The following UIMC1 variants were observed in gnomAD, a reference collection of about 807,000 sequenced individuals.
UIMC1 encodes the protein BRCA1-A complex subunit RAP80.
A neutral mutation model predicts 84.9 loss-of-function variants in UIMC1; 42 were observed. The observed-to-expected ratio is 0.49, with a 90% CI of 0.39 to 0.64. The LOEUF (loss-of-function observed/expected upper bound fraction) is 0.64. Among genes scored for constraint, UIMC1 ranks in the 30% least tolerant of loss-of-function variants. UIMC1 has a pLI of 0.00. For synonymous variants in UIMC1, 281 were observed against 293.0 expected, an observed-to-expected ratio of 0.96 and a Z score of 0.42; for missense variants, 825 against 847.6, an observed-to-expected ratio of 0.97 and a Z score of 0.33.
intron 1 of UIMC1, among the ~76,000 whole-genome samples, chr5:177,017,752 A>G (rs1279265220): frequency 6.6e-6 from 1 of 150,684 alleles, no homozygotes; most frequent in East Asian, 2.0e-4. Flanking sequence ...CTGCAGGCTC[A>G]AGTGATCCTC....
chr5:176,953,069 G>A lies in UIMC1; in HGVS notation c.1340-1492C>T, dbSNP rs146901421. Reference sequence around the variant, plus strand: ...ATGGGATTAGTGCCCTTTTATAAGGGACCCCAGAGAGCTCTCTCACCCTCT... The same window carrying A: ...ATGGGATTAGTGCCCTTTTATAAGGAACCCCAGAGAGCTCTCTCACCCTCT... On this transcript the variant is annotated intron_variant, in intron 8 of 14. Transcript: ENST00000511320. Among the ~76,000 whole-genome samples, 992 of 152,078 alleles carry A rather than the reference G, an allele frequency of 6.5e-3. 8 individuals are homozygous for A. Among genetic ancestry groups the A allele is most frequent in the African/African-American group, 0.023 (940 of 41,474 alleles).
chr5:176,908,497 C>G, intron 12 of UIMC1, 26 bp downstream of exon 12: 1 of 1,593,854 alleles, frequency 6.3e-7, no homozygotes, highest in Non-Finnish European at 8.6e-7. Flanking sequence ...GGTTAGGTGG[C>G]CTTTCCCAAA....
At chr5:176,976,760 A>T (rs1770140034) in intron 2 of UIMC1, among the ~76,000 whole-genome samples, 1 of 152,260 alleles carries the variant, frequency 6.6e-6, no homozygotes, top group Non-Finnish European at 1.5e-5. Context: ...GTGGTTGTCA[A>T]GGGCTAGGGG....
At chr5:176,976,304 C>T (rs1463063363) in intron 2 of UIMC1, among the ~76,000 whole-genome samples, 1 of 152,050 alleles carries the variant, frequency 6.6e-6, no homozygotes, top group Non-Finnish European at 1.5e-5. Flanking sequence ...GACAAAGCAA[C>T]ATCCTCATCT....
At chr5:176,910,556 C>T (rs1054319812) in intron 11 of UIMC1, among the ~76,000 whole-genome samples, 3 of 149,474 alleles carry the variant, frequency 2.0e-5, no homozygotes, top group African/African-American at 4.8e-5. Context: ...TGAGCTTTCT[C>T]AGTCAAGCTG....
At chr5:176,967,739 C>A (rs576970946) in intron 6 of UIMC1, among the ~76,000 whole-genome samples, 1 of 151,710 alleles carries the variant, frequency 6.6e-6, no homozygotes, top group African/African-American at 2.4e-5. Flanking sequence ...TCAATCTCTA[C>A]AAAAAATATA....
At chr5:176,965,150 G>A (rs555789740) in intron 6 of UIMC1, among the ~76,000 whole-genome samples, 3 of 152,096 alleles carry the variant, frequency 2.0e-5, no homozygotes, top group African/African-American at 7.2e-5. Flanking sequence ...AGCCAGGCGC[G>A]GTGGCTCACG....
At chr5:176,950,571 TA>T (rs1397968279) in intron 9 of UIMC1, among the ~76,000 whole-genome samples, 1 of 151,350 alleles carries the variant, frequency 6.6e-6, no homozygotes, top group African/African-American at 2.4e-5. Context: ...GACTCAACAT[TA>T]AAAATACATA....
intron 7 of UIMC1, among the ~76,000 whole-genome samples, chr5:176,957,743 A>G (rs1766780904): frequency 2.0e-5 from 3 of 152,254 alleles, no homozygotes; most frequent in Non-Finnish European, 2.9e-5. Flanking sequence ...GAAGGACTAT[A>G]AAGAAATCAG....
chr5:177,002,127 A>C lies in UIMC1; in HGVS notation c.-9+4523T>G, dbSNP rs353498. The C allele has an allele frequency of 0.28, 41,267 of 149,972 alleles. 5,678 individuals are homozygous for C. The highest frequency in any genetic ancestry group is 0.35 in the Middle Eastern group (102 of 292). The allele number at this position is 149,972 out of a possible 1,614,324, so 9.3% of individuals were successfully genotyped here. On this transcript the variant is annotated intron_variant, in intron 1 of 14. Coordinates refer to ENST00000511320, the MANE Select transcript of UIMC1 (RefSeq NM_001199298.2). ...AACAGTAAGACTGTCTCAAAAAAAA[A>C]AAAACAAAAAAAAAAAAATTAGCTG... is the stretch of plus-strand genomic sequence containing the variant.
chr5:176,998,136 G>A (rs190472648), intron 1 of UIMC1, among the ~76,000 whole-genome samples: 17 of 152,182 alleles, frequency 1.1e-4, no homozygotes, highest in African/African-American at 3.9e-4. Flanking sequence ...AGGAAGGCAA[G>A]GAAGAAACAG....
intron 2 of UIMC1, among the ~76,000 whole-genome samples, chr5:176,975,877 G>C (rs1252206771): frequency 6.6e-6 from 1 of 151,712 alleles, no homozygotes; most frequent in Non-Finnish European, 1.5e-5. Context: ...TAAAGGAAAG[G>C]AAAAAGAGGG....
chr5:176,960,481 C>T (rs1247172759), intron 6 of UIMC1, among the ~76,000 whole-genome samples: 1 of 151,852 alleles, frequency 6.6e-6, no homozygotes, highest in Non-Finnish European at 1.5e-5. Flanking sequence ...GAAAGCATGG[C>T]AGAAATAAAA....
intron 1 of UIMC1, among the ~76,000 whole-genome samples, chr5:176,998,096 G>A (rs1773894911): frequency 6.6e-6 from 1 of 152,012 alleles, no homozygotes; most frequent in Non-Finnish European, 1.5e-5. Context: ...AGAAAGAAAT[G>A]TCTGTCTTTC....
intron 3 of UIMC1, among the ~76,000 whole-genome samples, chr5:176,972,467 G>A (rs972783168): frequency 2.4e-4 from 36 of 151,944 alleles, no homozygotes; most frequent in Non-Finnish European, 7.4e-5. Context: ...CAGGAGCGGT[G>A]ACTCATGCCT....
At chr5:176,998,204 C>T (rs1431939140) in intron 1 of UIMC1, among the ~76,000 whole-genome samples, 1 of 152,030 alleles carries the variant, frequency 6.6e-6, no homozygotes, top group Non-Finnish European at 1.5e-5. Flanking sequence ...TACTTATTTG[C>T]AGTGGTTCAC....
chr5:176,971,461 C>A (rs933392396), intron 3 of UIMC1, among the ~76,000 whole-genome samples: 2 of 152,112 alleles, frequency 1.3e-5, no homozygotes, highest in Non-Finnish European at 2.9e-5. Flanking sequence ...CACTACTAGA[C>A]ACTATTAAGC....
At position 176,968,734 on chromosome 5, in the gene UIMC1, G is replaced by C. The variant is rs755424457; in HGVS notation, c.1021C>G (p.Gln341Glu). 7 of 1,614,038 alleles carry C rather than the reference G, an allele frequency of 4.3e-6. No homozygotes were observed. Among genetic ancestry groups the C allele is most frequent in the Non-Finnish European group, 5.9e-6 (7 of 1,180,024 alleles). Residue 341 changes from glutamine (Q) to glutamate (E), a missense_variant, in exon 6 of 15, where the codon CAG becomes GAG. Physicochemically the swap from Gln to Glu is conservative, Grantham distance 29. Transcript: ENST00000511320. ...ATGCATTCATTTTTCTCACTAGCCT[G>C]CTCTCCTTGGCCACATTCATTCTGG... ...LIQNECGQGE[Q>E]ASEKNECISE...
At position 176,968,840 on chromosome 5, in the gene UIMC1, CT is replaced by C; in HGVS notation, c.914del (p.Lys305ArgfsTer3). Reference sequence around the variant, plus strand: ...GCTGCCTCTGAGCCATTTTCAGGCTCTTTTGATAAACCTCCAACTGGCAGAG... The same window carrying C: ...GCTGCCTCTGAGCCATTTTCAGGCTCTTTGATAAACCTCCAACTGGCAGAG... ...VILCQLEVYQ[K>X]SLKMAQRQLL... On this transcript the variant is annotated frameshift_variant, in exon 6 of 15. Transcript: ENST00000511320. LOFTEE classifies it high-confidence loss of function. The C allele has an allele frequency of 6.2e-7, 1 of 1,614,172 alleles. No homozygotes were observed. The highest frequency in any genetic ancestry group is 8.5e-7 in the Non-Finnish European group (1 of 1,180,026).
Sources: allele counts gnomAD v4.1 joint callset (sites outside exome capture counted in the v4.1 genomes callset), GRCh38; gene constraint gnomAD v4.1.1; transcripts MANE v1.5; gene names NCBI Gene and HGNC (gene_info 2026-07-23, HGNC 2026-07-21).